HMCN2: variants seen among roughly 807,000 people sequenced by gnomAD.
HMCN2 encodes the protein hemicentin-2.
A neutral mutation model predicts 377.5 loss-of-function variants in HMCN2; 325 were observed. The observed-to-expected ratio is 0.86, with a 90% CI of 0.79 to 0.94. The LOEUF (loss-of-function observed/expected upper bound fraction) is 0.94, where lower values mean the gene tolerates loss of function less well. Ranked by LOEUF, HMCN2 falls within the 40% of genes least tolerant of loss-of-function variation. HMCN2 has a pLI of 0.00. For synonymous variants in HMCN2, 2,007 were observed against 2,046.8 expected (o/e 0.98, Z 0.53); for missense variants, 4,543 against 4,725.3 (o/e 0.96, Z 1.13).
rs73549569 is a variant in HMCN2, at chr9:130,358,222, C to T, written c.5581-168C>T. On this transcript the variant is annotated intron_variant, in intron 35 of 97. Coordinates refer to ENST00000683500, the MANE Select transcript of HMCN2 (RefSeq NM_001291815.2). ...GGGAATGGTATGCCTGGAGATCGGA[C>T]GAATCCCTGGAATCCAAGTGCTTGG... The T allele has an allele frequency of 1.1e-3, 630 of 572,428 alleles. 5 individuals are homozygous for T. In the African/African-American group the frequency reaches 0.012, roughly 11 times the overall value. 35.5% of individuals were successfully genotyped at this position (572,428 alleles called of 1,614,324 possible). A position where few individuals can be genotyped will look rare whatever the true frequency, so the allele number is the denominator to read the frequency against.
Position 130,434,017 on chromosome 9 carries a change from A to G in HMCN2, c.*324A>G. 1 of 276,526 alleles carries G rather than the reference A, an allele frequency of 3.6e-6. No homozygotes were observed. The highest frequency in any genetic ancestry group is 6.7e-6 in the Non-Finnish European group (1 of 148,586). 17.1% of individuals were successfully genotyped at this position (276,526 alleles called of 1,614,324 possible). A position where few individuals can be genotyped will look rare whatever the true frequency, so the allele number is the denominator to read the frequency against. ...GACACAGGGCACCTGGACGCGCGGG[A>G]GAGGGGGCAGACCCCGCGTTAGGGG... On this transcript the variant is annotated 3_prime_UTR_variant, in exon 98 of 98. Coordinates refer to ENST00000683500, the MANE Select transcript of HMCN2 (RefSeq NM_001291815.2).
chr9:130,427,392 C>G lies in HMCN2; in HGVS notation c.13942+17C>G. 6.4e-7 allele frequency: 1 copy of G among 1,550,574 alleles called. No homozygotes were observed. The highest frequency in any genetic ancestry group is 8.7e-7 in the Non-Finnish European group (1 of 1,146,980). ...TTTGTGTGGGTGAGCGCCCCCAACCCTGGCATGGATGTGGGAGGCCTCTCA... is the reference window on the plus strand; with the variant it reads ...TTTGTGTGGGTGAGCGCCCCCAACCGTGGCATGGATGTGGGAGGCCTCTCA... On this transcript the variant is annotated intron_variant, in intron 91 of 97. Transcript: ENST00000683500.
At chr9:130,286,135 C>T in intron 3 of HMCN2, 53 bp from the exon 4 acceptor site, 1 of 467,440 alleles carries the variant, frequency 2.1e-6, no homozygotes, top group Non-Finnish European at 4.4e-6. Flanking sequence ...GCTGCTCACC[C>T]CTGAAGCAGC....
At chr9:130,316,452 C>T (rs1028761295) in intron 15 of HMCN2, among the ~76,000 whole-genome samples, 2 of 152,008 alleles carry the variant, frequency 1.3e-5, no homozygotes, top group African/African-American at 4.8e-5. Flanking sequence ...GGACGGGGCA[C>T]CCCTGCAGGC....
At chr9:130,431,958 G>A (rs1007372309) in intron 96 of HMCN2, among the ~76,000 whole-genome samples, 1 of 152,188 alleles carries the variant, frequency 6.6e-6, no homozygotes, top group South Asian at 2.1e-4. Flanking sequence ...GGCTGGGGCC[G>A]GTCATGCTGC....
In HMCN2 at chr9:130,362,124, G is replaced by A. The variant is rs1056579479; in HGVS notation, c.6067G>A (p.Asp2023Asn). ...APSPTLMWLK[D>N]GNPVSPAGTP... The stretch of plus-strand genomic sequence containing the variant: ...CAGCCCCACACTGATGTGGCTGAAG[G>A]ATGGAAACCCTGTGTCCCCTGCAGG... Residue 2023 changes from aspartate (D) to asparagine (N), a missense_variant, in exon 39 of 98, where the codon GAT becomes AAT. This residue lies in a region of HMCN2 where 1,032 missense variants were observed against 1,285.1 expected (regional missense o/e 0.80). Transcript: ENST00000683500. 51 of 985,994 alleles carry A rather than the reference G, an allele frequency of 5.2e-5. 1 individual carries two copies. The highest frequency in any genetic ancestry group is 5.2e-4 in the Middle Eastern group (1 of 1,914). The allele number at this position is 985,994 out of a possible 1,614,324, so 61.1% of individuals were successfully genotyped here. A position where few individuals can be genotyped will look rare whatever the true frequency, so the allele number is the denominator to read the frequency against.
At chr9:130,302,446 T>C (rs1836567914) in intron 8 of HMCN2, among the ~76,000 whole-genome samples, 1 of 152,182 alleles carries the variant, frequency 6.6e-6, no homozygotes, top group African/African-American at 2.4e-5. Context: ...CCCATACCCC[T>C]GGGGAGCCTA....
chr9:130,339,844 G>A (rs1038530094), intron 23 of HMCN2, among the ~76,000 whole-genome samples: 2 of 152,220 alleles, frequency 1.3e-5, no homozygotes, highest in African/African-American at 4.8e-5. Context: ...CTTCTCAGAA[G>A]CTGCGTAGGG....
chr9:130,352,532 A>G (rs1839789159), intron 30 of HMCN2, among the ~76,000 whole-genome samples: 2 of 152,200 alleles, frequency 1.3e-5, no homozygotes, highest in South Asian at 2.1e-4. Context: ...ATGTGCCCCT[A>G]GCATTGTCCT....
rs1189129071 is a variant in HMCN2 at position 130,385,716 on chromosome 9, C to T, written c.9263C>T (p.Thr3088Ile). The T allele has an allele frequency of 4.3e-5, 56 of 1,304,048 alleles. No individual in the cohort carries two copies. The highest frequency in any genetic ancestry group is 5.6e-5 in the Non-Finnish European group (55 of 988,944). The allele number at this position is 1,304,048 out of a possible 1,614,324, so 80.8% of individuals were successfully genotyped here. ...DGQPLVLAQR[T>I]QALRGGQRLE... Reference sequence around the variant, plus strand: ...CAGCCCCTGGTCCTGGCACAGCGGACCCAGGCTCTGCGGGGTGGGCAGAGG... The same window carrying T: ...CAGCCCCTGGTCCTGGCACAGCGGATCCAGGCTCTGCGGGGTGGGCAGAGG... Residue 3088 changes from threonine (T) to isoleucine (I), a missense_variant, in exon 60 of 98, where the codon ACC becomes ATC. Coordinates refer to ENST00000683500, the MANE Select transcript of HMCN2 (RefSeq NM_001291815.2).
chr9:130,422,846 T>G lies in HMCN2; in HGVS notation c.13381+120T>G, dbSNP rs1355641844. The G allele has an allele frequency of 1.2e-6, 1 of 816,658 alleles. No individual in the cohort carries two copies. Among genetic ancestry groups the G allele is most frequent in the Non-Finnish European group, 1.6e-6 (1 of 606,176 alleles). 50.6% of individuals were successfully genotyped at this position (816,658 alleles called of 1,614,324 possible). A position where few individuals can be genotyped will look rare whatever the true frequency, so the allele number is the denominator to read the frequency against. On this transcript the variant is annotated intron_variant, in intron 87 of 97. Coordinates refer to ENST00000683500, the MANE Select transcript of HMCN2 (RefSeq NM_001291815.2). This position sits in a 1 kb window ranked among gnomAD's most constrained non-coding sequence, Gnocchi z 4.2. The stretch of plus-strand genomic sequence containing the variant: ...TGTGCCCCGAGACTTGCTCAAGGCC[T>G]GATGACCAGAGCACGTCTGACCATC...
At position 130,348,654 on chromosome 9, in the gene HMCN2, G is replaced by A. The variant is rs747992326; in HGVS notation, c.4134G>A (p.Val1378=). The stretch of plus-strand genomic sequence containing the variant: ...ACGGCTTTCCAGTCCCTGAGATCGT[G>A]TGGCTGAAGGACGCGCAGCTGGTGG... ...DANGFPVPEI[V]WLKDAQLIPK... The change falls in exon 27 of 98, where the codon GTG becomes GTA. Residue 1378 remains valine, a synonymous_variant. Transcript: ENST00000683500. 1 of 1,304,242 alleles carries A rather than the reference G, an allele frequency of 7.7e-7. No individual in the cohort carries two copies. The highest frequency in any genetic ancestry group is 1.2e-5 in the South Asian group (1 of 81,022). The allele number at this position is 1,304,242 out of a possible 1,614,324, so 80.8% of individuals were successfully genotyped here.
chr9:130,433,318 C>T (rs1326313262), intron 97 of HMCN2, 30 bp from the exon 98 acceptor site: 6 of 1,399,394 alleles, frequency 4.3e-6, no homozygotes, highest in Admixed American at 3.2e-5. Context: ...CCCCCGAGTC[C>T]GCCTGTCCGT....
In HMCN2 at chr9:130,369,609, A is replaced by G. The variant is rs1428781478; in HGVS notation, c.6827A>G (p.Gln2276Arg). The G allele has an allele frequency of 1.1e-5, 11 of 985,252 alleles. No individual in the cohort carries two copies. Among genetic ancestry groups the G allele is most frequent in the Non-Finnish European group, 1.3e-5 (11 of 829,844 alleles). The allele number at this position is 985,252 out of a possible 1,614,324, so 61.0% of individuals were successfully genotyped here. A position where few individuals can be genotyped will look rare whatever the true frequency, so the allele number is the denominator to read the frequency against. Residue 2276 changes from glutamine to arginine, a missense_variant, in exon 45 of 98, where the codon CAA becomes CGA. By Grantham distance (43) the Gln-to-Arg change is conservative. Transcript: ENST00000683500. This position sits in a 1 kb window ranked among gnomAD's most constrained non-coding sequence, Gnocchi z 4.5. ...QIAGPREPPT[Q>R]VSVVQDGVAT... The stretch of plus-strand genomic sequence containing the variant: ...GCCGGTCCCCGGGAGCCTCCCACAC[A>G]AGTCTCTGTGGTCCAGGATGGAGTG...
rs1840413794 is a variant in HMCN2, at chr9:130,362,043, G to A, written c.5986G>A (p.Gly1996Ser). The A allele has an allele frequency of 1.0e-6, 1 of 986,048 alleles. No individual in the cohort carries two copies. Among genetic ancestry groups the A allele is most frequent in the African/African-American group, 1.7e-5 (1 of 57,260 alleles). The allele number at this position is 986,048 out of a possible 1,614,324, so 61.1% of individuals were successfully genotyped here. Residue 1996 changes from glycine (G) to serine (S), a missense_variant, in exon 39 of 98, where the codon GGC becomes AGC. By Grantham distance (56) the Gly-to-Ser change is moderately conservative (BLOSUM62 0). Transcript: ENST00000683500. ...PRITLPPSLP[G>S]PVLVNTPVRL... Reference sequence around the variant, plus strand: ...AATCACACTGCCACCCAGCCTGCCAGGCCCTGTGTTGGTCAACACCCCTGT... The same window carrying A: ...AATCACACTGCCACCCAGCCTGCCAAGCCCTGTGTTGGTCAACACCCCTGT...
rs1209306181 is a variant in HMCN2, at chr9:130,296,723, T to C, written c.941T>C (p.Ile314Thr). ...HSVRITGVSN[I>T]DFRAGFSTQP... ...GTGAGGATCACAGGCGTCAGCAACA[T>C]TGACTTCCGAGCCGGCTTCTCCACT... Residue 314 changes from isoleucine (I) to threonine (T), a missense_variant, in exon 7 of 98, where the codon ATT becomes ACT. Around this residue, in one of 5 missense-constraint regions of HMCN2, gnomAD observed 547 missense variants for 189.9 expected, o/e 2.88. Coordinates refer to ENST00000683500, the MANE Select transcript of HMCN2 (RefSeq NM_001291815.2). The C allele has an allele frequency of 4.2e-6, 2 of 470,982 alleles. No individual in the cohort carries two copies. Among genetic ancestry groups the C allele is most frequent in the African/African-American group, 2.0e-5 (1 of 50,050 alleles). 29.2% of individuals were successfully genotyped at this position (470,982 alleles called of 1,614,324 possible).
rs1364860865 is a variant in HMCN2, at chr9:130,308,987, T to A, written c.2201-925T>A. Among the ~76,000 whole-genome samples, 1 of 152,180 alleles carries A rather than the reference T, an allele frequency of 6.6e-6. No individual in the cohort carries two copies. Among genetic ancestry groups the A allele is most frequent in the Non-Finnish European group, 1.5e-5 (1 of 68,026 alleles). On this transcript the variant is annotated intron_variant, in intron 14 of 97. Coordinates refer to ENST00000683500, the MANE Select transcript of HMCN2 (RefSeq NM_001291815.2). This position sits in a 1 kb window ranked among gnomAD's most constrained non-coding sequence, Gnocchi z 4.1. The stretch of plus-strand genomic sequence containing the variant: ...GTGTTGAATAGGTATGGAGTTTCTG[T>A]TTGGGGAGATGCAAACAGTTCTGTG...
At chr9:130,274,087 C>G (rs1307641313) in intron 1 of HMCN2, among the ~76,000 whole-genome samples, 1 of 149,848 alleles carries the variant, frequency 6.7e-6, no homozygotes, top group African/African-American at 2.5e-5. Context: ...GAGTCTCACT[C>G]TGTCGCCCAG....
At chr9:130,279,649 G>C (rs1460152970) in intron 1 of HMCN2, among the ~76,000 whole-genome samples, 1 of 152,152 alleles carries the variant, frequency 6.6e-6, no homozygotes, top group Non-Finnish European at 1.5e-5. Flanking sequence ...CACCGTGCCC[G>C]GCCCTCAACA....
Sources: gnomAD v4.1 joint callset for allele counts (sites outside exome capture counted in the v4.1 genomes callset) on GRCh38, gnomAD v4.1.1 for gene constraint, gnomAD v4.1.1 regional missense constraint, Gnocchi (gnomAD v3.1) non-coding constraint, MANE v1.5 for transcripts, NCBI Gene and HGNC (gene_info 2026-07-23, HGNC 2026-07-21) for gene names.